The following ACTR10 variants were observed in gnomAD, a reference collection of about 807,000 sequenced individuals.
ACTR10 encodes actin related protein 10.
ACTR10 carries 43 observed loss-of-function variants against 56.2 expected under a neutral mutation model. That is an observed-to-expected ratio of 0.77 (90% CI 0.60 to 0.99). The LOEUF is 0.99. Ranked by LOEUF, ACTR10 falls within the 50% of genes least tolerant of loss-of-function variation. ACTR10 has a pLI of 0.00. For synonymous variants in ACTR10, 170 were observed against 176.3 expected, an observed-to-expected ratio of 0.96 and a Z score of 0.28; for missense variants, 466 against 507.8, an observed-to-expected ratio of 0.92 and a Z score of 0.79.
intron 12 of ACTR10, 26 bp downstream of exon 12, chr14:58,232,293 A>G (rs767410028): frequency 6.4e-7 from 1 of 1,573,476 alleles, no homozygotes; most frequent in African/African-American, 1.4e-5. Context: ...TTAAAATATA[A>G]TGATTATATA....
chr14:58,210,085 T>C (rs1888956897), intron 4 of ACTR10, among the ~76,000 whole-genome samples: 1 of 152,192 alleles, frequency 6.6e-6, no homozygotes, highest in Non-Finnish European at 1.5e-5. Context: ...CTGAATAAAG[T>C]AGAATATTCT....
chr14:58,222,121 A>G (rs1198072089), intron 8 of ACTR10, among the ~76,000 whole-genome samples: 2 of 151,958 alleles, frequency 1.3e-5, no homozygotes, highest in African/African-American at 2.4e-5. Flanking sequence ...AATTGTGTAT[A>G]ATATATATCA....
chr14:58,219,896 C>G (rs996736749), intron 8 of ACTR10, among the ~76,000 whole-genome samples, 167 bp downstream of exon 8: 14 of 151,476 alleles, frequency 9.2e-5, no homozygotes, highest in African/African-American at 3.2e-4. Context: ...ACTTTTTTTT[C>G]ACACTTAGGG....
intron 1 of ACTR10, among the ~76,000 whole-genome samples, chr14:58,202,579 A>T (rs1409135246): frequency 3.3e-5 from 5 of 151,666 alleles, no homozygotes; most frequent in Non-Finnish European, 7.4e-5. Flanking sequence ...GCCAGACTCC[A>T]TCTCAAAAAA....
At chr14:58,225,724 T>A (rs564655055) in intron 10 of ACTR10, among the ~76,000 whole-genome samples, 94 of 152,148 alleles carry the variant, frequency 6.2e-4, no homozygotes, top group African/African-American at 2.2e-3. Context: ...TTTTTTTTTT[T>A]TCTTGAGACG....
Position 58,234,571 on chromosome 14 carries a change from C to A in ACTR10, c.*20C>A, listed in dbSNP as rs1566632842. 1 of 1,595,064 alleles carries A rather than the reference C, an allele frequency of 6.3e-7. No individual in the cohort carries two copies. Among genetic ancestry groups the A allele is most frequent in the Admixed American group, 1.7e-5 (1 of 57,322 alleles). On this transcript the variant is annotated 3_prime_UTR_variant, in exon 13 of 13. Transcript: ENST00000254286. ...AAATAGAAGTTTGATTAAAAATCAA[C>A]CTTGCTTCATATCAAATATTTAACC...
chr14:58,215,242 G>A lies in ACTR10; in HGVS notation c.556G>A (p.Asp186Asn). 3 of 1,609,622 alleles carry A rather than the reference G, an allele frequency of 1.9e-6. No homozygotes were observed. The highest frequency in any genetic ancestry group is 2.5e-6 in the Non-Finnish European group (3 of 1,177,938). ...ETQLLEQCTV[D>N]TSVAKEQSLP... ...TCAACTATTGGAACAATGTACTGTTGACACAAGTGTTGCTAAAGAACAGAG... is the reference window on the plus strand; with the variant it reads ...TCAACTATTGGAACAATGTACTGTTAACACAAGTGTTGCTAAAGAACAGAG... The change falls in exon 7 of 13, where the codon GAC becomes AAC. Residue 186 changes from aspartate to asparagine, a missense_variant. Transcript: ENST00000254286.
rs1381538328 is a variant in ACTR10 at position 58,234,737 on chromosome 14, A to C, written c.*186A>C. Reference sequence around the variant, plus strand: ...TTCTCTTGTGTAGTGGTAAAATGGTAGCTGGTGCTTATTGAGATTTGCTGT... The same window carrying C: ...TTCTCTTGTGTAGTGGTAAAATGGTCGCTGGTGCTTATTGAGATTTGCTGT... On this transcript the variant is annotated 3_prime_UTR_variant, in exon 13 of 13. Coordinates refer to ENST00000254286, the MANE Select transcript of ACTR10 (RefSeq NM_018477.3). 2.4e-6 allele frequency: 1 copy of C among 414,720 alleles called. No homozygotes were observed. The highest frequency in any genetic ancestry group is 4.1e-6 in the Non-Finnish European group (1 of 244,616). 25.7% of individuals were successfully genotyped at this position (414,720 alleles called of 1,614,324 possible). A position where few individuals can be genotyped will look rare whatever the true frequency, so the allele number is the denominator to read the frequency against.
At chr14:58,225,719 T>C (rs1413626320) in intron 10 of ACTR10, among the ~76,000 whole-genome samples, 3 of 152,096 alleles carry the variant, frequency 2.0e-5, no homozygotes, top group Non-Finnish European at 4.4e-5. Flanking sequence ...CTTCTTTTTT[T>C]TTTTTTCTTG....
chr14:58,230,764 C>CTT (rs67511419), intron 11 of ACTR10, among the ~76,000 whole-genome samples: 2 of 143,132 alleles, frequency 1.4e-5, no homozygotes, highest in African/African-American at 2.6e-5. Context: ...TGGACATGTG[C>CTT]TTTTTTTTTT....
intron 7 of ACTR10, among the ~76,000 whole-genome samples, chr14:58,219,043 C>A (rs559672475): frequency 6.6e-6 from 1 of 152,288 alleles, no homozygotes; most frequent in South Asian, 2.1e-4. Flanking sequence ...TGGTCTTGAA[C>A]TCCCGACCTC....
chr14:58,225,678 G>A (rs1203306163), intron 10 of ACTR10, among the ~76,000 whole-genome samples: 1 of 151,014 alleles, frequency 6.6e-6, no homozygotes, highest in Non-Finnish European at 1.5e-5. Flanking sequence ...ACTACTTAAA[G>A]AAATACAGAG....
intron 2 of ACTR10, 95 bp downstream of exon 2, chr14:58,203,022 C>A: frequency 1.2e-6 from 1 of 866,414 alleles, no homozygotes; most frequent in Non-Finnish European, 1.8e-6. Flanking sequence ...GTACTAAAGG[C>A]CAGCCGTGGT....
Position 58,211,313 on chromosome 14 carries a change from C to T in ACTR10, c.364C>T (p.Pro122Ser), listed in dbSNP as rs371671757. 1.2e-5 allele frequency: 19 copies of T among 1,613,522 alleles called. No homozygotes were observed. The highest frequency in any genetic ancestry group is 2.2e-5 in the East Asian group (1 of 44,800). ...CTAGGTTCCATCTGTCTTGCTTGCTCCAAGTCATCTAATGGCTCTTCTGAC... is the reference window on the plus strand; with the variant it reads ...CTAGGTTCCATCTGTCTTGCTTGCTTCAAGTCATCTAATGGCTCTTCTGAC... ...YFEVPSVLLA[P>S]SHLMALLTLG... is the part of the protein sequence containing the mutation. The change falls in exon 5 of 13, where the codon CCA becomes TCA. Residue 122 changes from proline (P) to serine (S), a missense_variant. By Grantham distance (74) the Pro-to-Ser change is moderately conservative (BLOSUM62 -1). Transcript: ENST00000254286.
chr14:58,210,381 A>C (rs891560238), intron 4 of ACTR10, among the ~76,000 whole-genome samples: 2 of 152,124 alleles, frequency 1.3e-5, no homozygotes, highest in African/African-American at 4.8e-5. Flanking sequence ...CTGTAGTCCC[A>C]GCTACTCAGG....
intron 10 of ACTR10, among the ~76,000 whole-genome samples, chr14:58,229,546 C>T (rs963216103): frequency 6.6e-6 from 1 of 151,932 alleles, no homozygotes; most frequent in South Asian, 2.1e-4. Flanking sequence ...GGCGCGGTGG[C>T]GGGCACCTGT....
At chr14:58,203,584 T>C (rs1312407838) in intron 2 of ACTR10, among the ~76,000 whole-genome samples, 1 of 152,142 alleles carries the variant, frequency 6.6e-6, no homozygotes, top group Non-Finnish European at 1.5e-5. Context: ...CTGTACATTT[T>C]ATGTAAATGG....
At chr14:58,210,373 G>GTA (rs1888963386) in intron 4 of ACTR10, among the ~76,000 whole-genome samples, 1 of 152,074 alleles carries the variant, frequency 6.6e-6, no homozygotes, top group Non-Finnish European at 1.5e-5. Context: ...GCATGCACCT[G>GTA]TAGTCCCAGC....
In ACTR10 at chr14:58,232,876, T is replaced by C. The variant is rs577154666; in HGVS notation, c.1072+609T>C. On this transcript the variant is annotated intron_variant, in intron 12 of 12. Coordinates refer to ENST00000254286, the MANE Select transcript of ACTR10 (RefSeq NM_018477.3). The stretch of plus-strand genomic sequence containing the variant: ...GATGCTACCATTTCTTTCTTTCTTT[T>C]TTTTTTTTTTTGAGACGTTTCATCT... 6.6e-5 allele frequency among the ~76,000 whole-genome samples: 10 copies of C among 150,690 alleles called. No individual in the cohort carries two copies. The South Asian group carries it at 1.7e-3, about 25-fold the overall frequency.
Sources: gnomAD v4.1 joint callset for allele counts (sites outside exome capture counted in the v4.1 genomes callset) on GRCh38, gnomAD v4.1.1 for gene constraint, MANE v1.5 for transcripts, NCBI Gene and HGNC (gene_info 2026-07-23, HGNC 2026-07-21) for gene names.